BDP1: variants seen among roughly 807,000 people sequenced by gnomAD.
BDP1 encodes the protein transcription factor TFIIIB component B'' homolog.
Under a neutral mutation model 266.6 loss-of-function variants are expected in BDP1, and 169 were observed. The ratio of observed to expected loss-of-function variants is 0.63; its 90% CI spans 0.56 to 0.72. The LOEUF (loss-of-function observed/expected upper bound fraction) is 0.72, where lower values mean the gene tolerates loss of function less well. Ranked by LOEUF, BDP1 falls within the 30% of genes least tolerant of loss-of-function variation. The pLI, the probability that BDP1 is intolerant of heterozygous loss-of-function variation, is 0.00. For missense variants in BDP1, 3,015 were observed against 3,053.8 expected, an observed-to-expected ratio of 0.99 and a Z score of 0.30; for synonymous variants, 1,090 against 1,022.4, an observed-to-expected ratio of 1.07 and a Z score of -1.26.
intron 21 of BDP1, among the ~76,000 whole-genome samples, chr5:71,517,109 C>T (rs1765263103): frequency 6.6e-6 from 1 of 152,120 alleles, no homozygotes; most frequent in Admixed American, 6.5e-5. Flanking sequence ...TGCCTGTAAT[C>T]CCAGTTACTC....
At chr5:71,456,238 C>T in intron 1 of BDP1, 149 bp downstream of exon 1, 1 of 739,218 alleles carries the variant, frequency 1.4e-6, no homozygotes, top group South Asian at 1.9e-5. Flanking sequence ...CTCCAAACTG[C>T]AGTTTAGTTG....
chr5:71,485,471 C>T (rs750702291), intron 8 of BDP1, among the ~76,000 whole-genome samples: 7 of 152,142 alleles, frequency 4.6e-5, no homozygotes, highest in Non-Finnish European at 1.0e-4. Context: ...CAAATGAAGT[C>T]TGGGTCAACA....
chr5:71,481,391 G>GAAAAA (rs58798987), intron 7 of BDP1, among the ~76,000 whole-genome samples: 49 of 63,858 alleles, frequency 7.7e-4, no homozygotes, highest in Non-Finnish European at 9.1e-4. Flanking sequence ...TCTCTACAAA[G>GAAAAA]AAAAAAAAAA....
At chr5:71,492,328 T>C (rs115253122) in intron 11 of BDP1, among the ~76,000 whole-genome samples, 57 of 152,306 alleles carry the variant, frequency 3.7e-4, no homozygotes, top group African/African-American at 1.3e-3. Context: ...CTGTTTCCAA[T>C]AGCGGGTACA....
intron 16 of BDP1, among the ~76,000 whole-genome samples, chr5:71,505,695 A>G (rs951913494): frequency 1.3e-5 from 2 of 152,210 alleles, no homozygotes; most frequent in African/African-American, 4.8e-5. Flanking sequence ...TTACAGCTGT[A>G]TTAGCCTATT....
intron 34 of BDP1, among the ~76,000 whole-genome samples, chr5:71,550,915 A>G (rs1348971779): frequency 6.6e-6 from 1 of 152,080 alleles, no homozygotes; most frequent in Non-Finnish European, 1.5e-5. Flanking sequence ...CATGTTGACC[A>G]GGCTGGTCTC....
In BDP1 at chr5:71,455,830, G is replaced by T. The variant is rs965471122; in HGVS notation, c.-48G>T. On this transcript the variant is annotated 5_prime_UTR_variant, in exon 1 of 39. Coordinates refer to ENST00000358731, the MANE Select transcript of BDP1 (RefSeq NM_018429.3). ...TTTCCGGGCAGCCGCCGGGGCTCGG[G>T]GCTGTGAGCGGCCGTGAGGCTGCCT... 106 of 1,506,904 alleles carry T rather than the reference G, an allele frequency of 7.0e-5. No individual in the cohort carries two copies. Among genetic ancestry groups the T allele is most frequent in the Non-Finnish European group, 9.2e-5 (103 of 1,116,974 alleles). The allele number at this position is 1,506,904 out of a possible 1,614,324, so 93.3% of individuals were successfully genotyped here.
intron 26 of BDP1, among the ~76,000 whole-genome samples, chr5:71,532,711 A>G (rs1170733395): frequency 6.6e-6 from 1 of 152,088 alleles, no homozygotes; most frequent in Non-Finnish European, 1.5e-5. Context: ...TTTTATTTGC[A>G]CTCTTCCATT....
In BDP1 at chr5:71,566,977, C is replaced by G. The variant is rs1464847618; in HGVS notation, c.*2092C>G. 6.6e-6 allele frequency: 1 copy of G among 152,120 alleles called. No individual in the cohort carries two copies. Among genetic ancestry groups the G allele is most frequent in the Admixed American group, 6.6e-5 (1 of 15,264 alleles). 9.4% of individuals were successfully genotyped at this position (152,120 alleles called of 1,614,324 possible). A position where few individuals can be genotyped will look rare whatever the true frequency, so the allele number is the denominator to read the frequency against. The stretch of plus-strand genomic sequence containing the variant: ...TTTATTGAAACTACTGCTGTTAGAG[C>G]ACTTCTTATTCATTGTCTTTTAGTG... On this transcript the variant is annotated 3_prime_UTR_variant, in exon 39 of 39. Transcript: ENST00000358731.
Position 71,492,627 on chromosome 5 carries a change from G to C in BDP1, c.1640+1496G>C, listed in dbSNP as rs540728447. ...TTGAGTTTTGAGAATTATTTATATA[G>C]TTTGGATTTTAGGACCTTATCAGAA... On this transcript the variant is annotated intron_variant, in intron 11 of 38. Coordinates refer to ENST00000358731, the MANE Select transcript of BDP1 (RefSeq NM_018429.3). Among the ~76,000 whole-genome samples the C allele has an allele frequency of 1.9e-4, 29 of 152,172 alleles. No homozygotes were observed. In the South Asian group the frequency reaches 3.7e-3, roughly 20 times the overall value.
intron 25 of BDP1, among the ~76,000 whole-genome samples, chr5:71,531,428 G>A (rs1766239690): frequency 6.6e-6 from 1 of 152,156 alleles, no homozygotes; most frequent in African/African-American, 2.4e-5. Context: ...GTTGCCCTGG[G>A]TATCAAGAAT....
At chr5:71,506,810 CACACACACACA>C (rs1186455695) in intron 16 of BDP1, among the ~76,000 whole-genome samples, 3 of 140,828 alleles carry the variant, frequency 2.1e-5, no homozygotes, top group African/African-American at 5.2e-5. Context: ...CACACACACA[CACACACACACA>C]CACCCATATT....
At chr5:71,541,716 A>G (rs775641943) in intron 29 of BDP1, 34 bp downstream of exon 29, 20 of 1,310,752 alleles carry the variant, frequency 1.5e-5, no homozygotes, top group Non-Finnish European at 2.1e-5. Context: ...AAATATTACT[A>G]AAACCACCAT....
rs1764876829 is a variant in BDP1 at position 71,510,833 on chromosome 5, A to G, written c.3741A>G (p.Ile1247Met). 1 of 1,613,334 alleles carries G rather than the reference A, an allele frequency of 6.2e-7. No individual in the cohort carries two copies. The part of the protein sequence containing the change: ...REKVLAEFSA[I>M]REKEIDLKET... ...AGGTGCTAGCAGAGTTCAGTGCTAT[A>G]AGGGAAAAGGAGATTGATTTGAAAG... The change falls in exon 17 of 39, where the codon ATA (isoleucine) becomes ATG (methionine). Residue 1247 changes from isoleucine to methionine, a missense_variant. Coordinates refer to ENST00000358731, the MANE Select transcript of BDP1 (RefSeq NM_018429.3).
chr5:71,564,157 A>G (rs1743876218), intron 38 of BDP1, among the ~76,000 whole-genome samples: 5 of 151,854 alleles, frequency 3.3e-5, no homozygotes, highest in Admixed American at 3.3e-4. Flanking sequence ...CAGATGCTAA[A>G]TTTCTATATA....
Position 71,458,765 on chromosome 5 carries a change from A to C in BDP1, c.399A>C (p.Thr133=). 1 of 1,614,166 alleles carries C rather than the reference A, an allele frequency of 6.2e-7. No individual in the cohort carries two copies. The highest frequency in any genetic ancestry group is 8.5e-7 in the Non-Finnish European group (1 of 1,180,002). The part of the protein sequence containing the change: ...QEAPQPTATS[T]KEKQPCSDRY... ...CTCCACAGCCAACTGCCACTTCAAC[A>C]AAAGAGAAACAGCCATGCTCAGACA... Residue 133 remains threonine, a synonymous_variant, in exon 2 of 39, where the codon ACA becomes ACC. Transcript: ENST00000358731.
At chr5:71,524,937 G>A (rs1301642535) in intron 25 of BDP1, among the ~76,000 whole-genome samples, 2 of 151,348 alleles carry the variant, frequency 1.3e-5, no homozygotes, top group Non-Finnish European at 2.9e-5. Context: ...GTTTCAGAGA[G>A]CACAGGGTTG....
intron 22 of BDP1, among the ~76,000 whole-genome samples, chr5:71,519,040 G>A (rs570545957): frequency 2.0e-5 from 3 of 151,664 alleles, no homozygotes; most frequent in Non-Finnish European, 2.9e-5. Flanking sequence ...ACCTGGTCTC[G>A]AACTCCTGAC....
chr5:71,512,212 G>A (rs1764960118), intron 17 of BDP1, 29 bp from the exon 18 acceptor site: 2 of 1,192,602 alleles, frequency 1.7e-6, no homozygotes, highest in African/African-American at 1.6e-5. Flanking sequence ...TCTTTTATTT[G>A]TGCTGATTTA....
Sources: allele counts gnomAD v4.1 joint callset (sites outside exome capture counted in the v4.1 genomes callset), GRCh38; gene constraint gnomAD v4.1.1; transcripts MANE v1.5; gene names NCBI Gene and HGNC (gene_info 2026-07-23, HGNC 2026-07-21).